SRBD1: variants seen among roughly 807,000 people sequenced by gnomAD.
SRBD1 encodes the protein S1 RNA-binding domain-containing protein 1.
SRBD1 carries 88 observed loss-of-function variants against 115.3 expected under a neutral mutation model. That is an observed-to-expected ratio of 0.76 (90% CI 0.64 to 0.91). The LOEUF (loss-of-function observed/expected upper bound fraction) is 0.91, where lower values mean the gene tolerates loss of function less well. SRBD1 is among the 40% of genes least tolerant of loss of function. SRBD1 has a pLI of 0.00. For synonymous variants in SRBD1, 509 were observed against 407.7 expected (o/e 1.25, Z -2.99); for missense variants, 1,385 against 1,177.4 (o/e 1.18, Z -2.58).
At chr2:45,570,121 T>C (rs1672962465) in intron 9 of SRBD1, among the ~76,000 whole-genome samples, 1 of 152,204 alleles carries the variant, frequency 6.6e-6, no homozygotes, top group Non-Finnish European at 1.5e-5. Context: ...AGTTGCGTAG[T>C]TGCAACAAAA....
At chr2:45,477,123 G>C (rs746415280) in intron 15 of SRBD1, 48 bp from the exon 16 acceptor site, 1 of 1,470,552 alleles carries the variant, frequency 6.8e-7, no homozygotes, top group Admixed American at 1.7e-5. Context: ...GTGAAAAGCA[G>C]TACCTAATAA....
intron 10 of SRBD1, among the ~76,000 whole-genome samples, chr2:45,560,582 A>G (rs1672630521): frequency 6.6e-6 from 1 of 152,230 alleles, no homozygotes; most frequent in Non-Finnish European, 1.5e-5. Flanking sequence ...GAAAGAAATT[A>G]AGTAGCATGC....
intron 16 of SRBD1, among the ~76,000 whole-genome samples, chr2:45,469,498 C>T (rs1424375834): frequency 1.3e-5 from 2 of 152,106 alleles, no homozygotes; most frequent in East Asian, 3.9e-4. Flanking sequence ...TCAAATCATG[C>T]TATCATTTCA....
intron 14 of SRBD1, among the ~76,000 whole-genome samples, chr2:45,493,584 G>T (rs529207822): frequency 1.8e-4 from 28 of 152,140 alleles, no homozygotes; most frequent in Middle Eastern, 3.4e-3. Flanking sequence ...GCCCAGGTGG[G>T]TGGATCACCT....
rs758565616 is a variant in SRBD1 at position 45,553,614 on chromosome 2, G to A, written c.1517+9C>T. 2 of 1,542,994 alleles carry A rather than the reference G, an allele frequency of 1.3e-6. No individual in the cohort carries two copies. The highest frequency in any genetic ancestry group is 1.8e-6 in the Non-Finnish European group (2 of 1,140,688). On this transcript the variant is annotated intron_variant, in intron 11 of 20. Transcript: ENST00000263736. ...CAGTACACAAAATTAAACAAGACAAGATATATACCTGAATTCTCTACAGAG... is the reference window on the plus strand; with the variant it reads ...CAGTACACAAAATTAAACAAGACAAAATATATACCTGAATTCTCTACAGAG...
At chr2:45,510,405 T>C (rs888173484) in intron 14 of SRBD1, among the ~76,000 whole-genome samples, 3 of 152,234 alleles carry the variant, frequency 2.0e-5, no homozygotes, top group African/African-American at 4.8e-5. Context: ...CCTAAATTTA[T>C]TGTCCTTCTG....
At chr2:45,450,904 C>T (rs991107292) in intron 16 of SRBD1, among the ~76,000 whole-genome samples, 1 of 152,114 alleles carries the variant, frequency 6.6e-6, no homozygotes, top group Admixed American at 6.5e-5. Context: ...TCAATCAAAT[C>T]TGAGCATAAG....
chr2:45,497,845 A>G (rs908479451), intron 14 of SRBD1, among the ~76,000 whole-genome samples: 2 of 151,842 alleles, frequency 1.3e-5, no homozygotes, highest in African/African-American at 4.8e-5. Flanking sequence ...GACCAGCCTG[A>G]CCAACACGGT....
chr2:45,538,048 C>A (rs1031619470), intron 14 of SRBD1, among the ~76,000 whole-genome samples: 1 of 152,174 alleles, frequency 6.6e-6, no homozygotes, highest in Non-Finnish European at 1.5e-5. Context: ...AGGCTTTCAA[C>A]AGATTCTGTC....
intron 15 of SRBD1, among the ~76,000 whole-genome samples, chr2:45,480,880 G>A (rs1669941703): frequency 6.6e-6 from 1 of 152,090 alleles, no homozygotes; most frequent in South Asian, 2.1e-4. Context: ...TCTACTGAAT[G>A]TAAAAGGCTA....
At chr2:45,544,198 A>T (rs1672035162) in intron 14 of SRBD1, among the ~76,000 whole-genome samples, 1 of 140,366 alleles carries the variant, frequency 7.1e-6, no homozygotes, top group African/African-American at 2.8e-5. Context: ...GCGCCACTGC[A>T]CTCCCGCCTG....
At chr2:45,453,108 C>T (rs1481021824) in intron 16 of SRBD1, among the ~76,000 whole-genome samples, 4 of 151,846 alleles carry the variant, frequency 2.6e-5, no homozygotes, top group African/African-American at 9.7e-5. Flanking sequence ...GAGCCCAGAA[C>T]TCTGACCTCT....
intron 11 of SRBD1, among the ~76,000 whole-genome samples, chr2:45,552,112 T>G (rs982426883): frequency 6.6e-6 from 1 of 152,132 alleles, no homozygotes; most frequent in Non-Finnish European, 1.5e-5. Flanking sequence ...AAATGACACA[T>G]GGATGAATGA....
At chr2:45,478,664 T>C (rs568441005) in intron 15 of SRBD1, among the ~76,000 whole-genome samples, 15 of 152,236 alleles carry the variant, frequency 9.9e-5, no homozygotes, top group Non-Finnish European at 1.6e-4. Context: ...AGAGATATAC[T>C]TGAATTTCTC....
At chr2:45,530,046 C>T (rs191448542) in intron 14 of SRBD1, among the ~76,000 whole-genome samples, 1 of 151,808 alleles carries the variant, frequency 6.6e-6, no homozygotes, top group East Asian at 1.9e-4. Flanking sequence ...TAAATTCAAA[C>T]CAGGAATTAG....
At chr2:45,495,743 C>T (rs937978824) in intron 14 of SRBD1, among the ~76,000 whole-genome samples, 4 of 152,278 alleles carry the variant, frequency 2.6e-5, no homozygotes, top group African/African-American at 9.6e-5. Context: ...GGAAGGAACA[C>T]TAACTGTGGA....
intron 15 of SRBD1, among the ~76,000 whole-genome samples, chr2:45,480,923 T>C (rs146077914): frequency 1.4e-3 from 211 of 152,270 alleles, no homozygotes; most frequent in African/African-American, 4.7e-3. Flanking sequence ...GAGAAACCTT[T>C]TGTGAGAGGA....
rs186976266 is a variant in SRBD1 at position 45,477,652 on chromosome 2, C to A, written c.1967-577G>T. On this transcript the variant is annotated intron_variant, in intron 15 of 20. Coordinates refer to ENST00000263736, the MANE Select transcript of SRBD1 (RefSeq NM_018079.5). ...GCAGCTTTGAACTCCTGGGCTCAAG[C>A]AATCCTCTTGCCTCACCCCTCCAAA... Among the ~76,000 whole-genome samples the A allele has an allele frequency of 3.3e-3, 506 of 152,224 alleles. 5 individuals are homozygous for A. Among genetic ancestry groups the A allele is most frequent in the African/African-American group, 0.011 (469 of 41,514 alleles).
intron 18 of SRBD1, among the ~76,000 whole-genome samples, chr2:45,413,798 C>T (rs990510367): frequency 6.6e-6 from 1 of 151,916 alleles, no homozygotes; most frequent in Non-Finnish European, 1.5e-5. Context: ...TGTGGTGGTG[C>T]ATGCCTGCCT....
Sources: allele counts gnomAD v4.1 joint callset (sites outside exome capture counted in the v4.1 genomes callset), GRCh38; gene constraint gnomAD v4.1.1; transcripts MANE v1.5; gene names NCBI Gene and HGNC (gene_info 2026-07-23, HGNC 2026-07-21).